The following TPSD1 variants were observed in gnomAD, a reference collection of about 807,000 sequenced individuals.
TPSD1 encodes tryptase delta.
Under a neutral mutation model 25.4 loss-of-function variants are expected in TPSD1, and 30 were observed. The ratio of observed to expected loss-of-function variants is 1.18; its 90% CI spans 0.88 to 1.60. The LOEUF is 1.60. TPSD1 is among the 40% of genes most tolerant of loss of function. The pLI, the probability that TPSD1 is intolerant of heterozygous loss-of-function variation, is 0.00. For synonymous variants in TPSD1, 176 were observed against 149.4 expected, an observed-to-expected ratio of 1.18 and a Z score of -1.30; for missense variants, 420 against 324.2, an observed-to-expected ratio of 1.30 and a Z score of -2.27.
rs61729110 is a variant in TPSD1 at position 1,256,953 on chromosome 16, C to T, written c.411C>T (p.Pro137=). The change falls in exon 3 of 5, where the codon CCC becomes CCT. Residue 137 remains proline, a synonymous_variant. Transcript: ENST00000211076. ...ADIALLELEE[P]VNISSHIHTV... is the part of the protein sequence containing the mutation. ...TCGCCCTGCTGGAGCTGGAGGAGCC[C>T]GTGAACATCTCCAGCCACATCCACA... The T allele has an allele frequency of 6.8e-4, 1,101 of 1,613,702 alleles. No homozygotes were observed. In the African/African-American group the frequency reaches 0.012, roughly 18 times the overall value.
intron 3 of TPSD1, 129 bp from the exon 4 acceptor site, chr16:1,257,930 C>T (rs1415615561): frequency 2.9e-5 from 30 of 1,029,912 alleles, no homozygotes; most frequent in Middle Eastern, 3.2e-4. Context: ...GCCCCTTCCC[C>T]GGGGCTGCAG....
rs770545939 is a variant in TPSD1, at chr16:1,256,986, G to A, written c.444G>A (p.Thr148=). The change falls in exon 3 of 5, where the codon ACG becomes ACA. Residue 148 remains threonine, a synonymous_variant. Transcript: ENST00000211076. The part of the protein sequence containing the change: ...VNISSHIHTV[T]LPPASETFPP... ...TCTCCAGCCACATCCACACGGTCAC[G>A]CTGCCCCCTGCCTCGGAGACCTTCC... 3 of 1,613,582 alleles carry A rather than the reference G, an allele frequency of 1.9e-6. No individual in the cohort carries two copies. Among genetic ancestry groups the A allele is most frequent in the East Asian group, 2.2e-5 (1 of 44,850 alleles).
At chr16:1,258,285 T>C (rs2141449541) in intron 4 of TPSD1, 47 bp from the exon 5 acceptor site, 2 of 1,610,852 alleles carry the variant, frequency 1.2e-6, no homozygotes, top group Middle Eastern at 1.7e-4. Flanking sequence ...TCCCTCATCC[T>C]GACCCCCGAA....
chr16:1,256,512 C>T lies in TPSD1; in HGVS notation c.83-4C>T. 3 of 1,607,860 alleles carry T rather than the reference C, an allele frequency of 1.9e-6. No individual in the cohort carries two copies. The highest frequency in any genetic ancestry group is 2.5e-6 in the Non-Finnish European group (3 of 1,178,062). On this transcript the variant is annotated splice_polypyrimidine_tract_variant and splice_region_variant and intron_variant, in intron 1 of 4. Transcript: ENST00000211076. ...TCTTGGTCCTGACCTGGCACCTGCCCCAGCCCCAGGCCAGGCCCTGCAGCA... is the reference window on the plus strand; with the variant it reads ...TCTTGGTCCTGACCTGGCACCTGCCTCAGCCCCAGGCCAGGCCCTGCAGCA...
At chr16:1,257,128 G>T in intron 3 of TPSD1, 66 bp downstream of exon 3, 1 of 1,514,190 alleles carries the variant, frequency 6.6e-7, no homozygotes, top group Non-Finnish European at 8.9e-7. Flanking sequence ...AGGCCAGTCC[G>T]TGGGGTGACA....
At chr16:1,256,450 C>G in intron 1 of TPSD1, 66 bp from the exon 2 acceptor site, 1 of 1,609,226 alleles carries the variant, frequency 6.2e-7, no homozygotes, top group Non-Finnish European at 8.5e-7. Flanking sequence ...GGCTGGCCCC[C>G]ACACAGGGAA....
chr16:1,258,557 A>T lies in TPSD1; in HGVS notation c.*181A>T. On this transcript the variant is annotated 3_prime_UTR_variant, in exon 5 of 5. Coordinates refer to ENST00000211076, the MANE Select transcript of TPSD1 (RefSeq NM_012217.3). ...GCCAGCCCCTCCTGTCCAAACCACC[A>T]CTGCTTCCTACCCAGGTGGTGACTG... 6.4e-7 allele frequency: 1 copy of T among 1,567,776 alleles called. No homozygotes were observed. Among genetic ancestry groups the T allele is most frequent in the South Asian group, 1.2e-5 (1 of 84,194 alleles).
rs148987137 is a variant in TPSD1, at chr16:1,257,015, C to G, written c.473C>G (p.Pro158Arg). ...CCCCCTGCCTCGGAGACCTTCCCCC[C>G]GGGGATGCCGTGCTGGGTCACTGGC... The part of the protein sequence containing the change: ...TLPPASETFP[P>R]GMPCWVTGWG... The change falls in exon 3 of 5, where the codon CCG becomes CGG. Residue 158 changes from proline to arginine, a missense_variant. By Grantham distance (103) the Pro-to-Arg change is moderately radical. Transcript: ENST00000211076. 1.4e-5 allele frequency: 22 copies of G among 1,613,012 alleles called. No individual in the cohort carries two copies. The highest frequency in any genetic ancestry group is 2.2e-5 in the East Asian group (1 of 44,880).
chr16:1,258,187 CT>C lies in TPSD1; in HGVS notation c.650del (p.Leu217ArgfsTer23). The C allele has an allele frequency of 1.2e-6, 2 of 1,613,094 alleles. No individual in the cohort carries two copies. Among genetic ancestry groups the C allele is most frequent in the Non-Finnish European group, 8.5e-7 (1 of 1,179,882 alleles). The stretch of plus-strand genomic sequence containing the variant: ...CTTTCAAATCGTCCGCGATGACATG[CT>C]GTGTGCGGGGAGCGAAAATCACGAC... ...HSFQIVRDDM[L>X]CAGSENHDSC... On this transcript the variant is annotated frameshift_variant, in exon 4 of 5. Transcript: ENST00000211076. LOFTEE classifies it low-confidence loss of function (END_TRUNC).
rs1265769790 is a variant in TPSD1 at position 1,257,065 on chromosome 16, G to A, written c.520+3G>A. Reference sequence around the variant, plus strand: ...CTGGGGCGACGTGGACAATAATGGTGGGTGTTGGGGACAGCGGGAGGCCGG... The same window carrying A: ...CTGGGGCGACGTGGACAATAATGGTAGGTGTTGGGGACAGCGGGAGGCCGG... On this transcript the variant is annotated splice_donor_region_variant and intron_variant, in intron 3 of 4. Transcript: ENST00000211076. 1 of 1,602,362 alleles carries A rather than the reference G, an allele frequency of 6.2e-7. No homozygotes were observed. The highest frequency in any genetic ancestry group is 8.5e-7 in the Non-Finnish European group (1 of 1,174,200).
Position 1,258,531 on chromosome 16 carries a change from G to T in TPSD1, c.*155G>T. ...GGGGTGTCCACCCGGGTCACTGGAG[G>T]GCCAGCCCCTCCTGTCCAAACCACC... On this transcript the variant is annotated 3_prime_UTR_variant, in exon 5 of 5. Coordinates refer to ENST00000211076, the MANE Select transcript of TPSD1 (RefSeq NM_012217.3). 1 of 1,600,154 alleles carries T rather than the reference G, an allele frequency of 6.2e-7. No individual in the cohort carries two copies. Among genetic ancestry groups the T allele is most frequent in the Non-Finnish European group, 8.5e-7 (1 of 1,172,340 alleles).
At chr16:1,258,309 G>T (rs1367280142) in intron 4 of TPSD1, 23 bp from the exon 5 acceptor site, 3 of 1,612,698 alleles carry the variant, frequency 1.9e-6, no homozygotes, top group Admixed American at 3.3e-5. Context: ...TGGCCAGCGA[G>T]CACTGACCTC....
At chr16:1,257,137 C>T in intron 3 of TPSD1, 75 bp downstream of exon 3, 1 of 1,495,332 alleles carries the variant, frequency 6.7e-7, no homozygotes, top group South Asian at 1.3e-5. Flanking sequence ...CGTGGGGTGA[C>T]AGGGTCCCTC....
intron 1 of TPSD1, 53 bp from the exon 2 acceptor site, chr16:1,256,463 G>A (rs569221848): frequency 3.0e-5 from 49 of 1,608,394 alleles, no homozygotes; most frequent in Non-Finnish European, 3.7e-5. Context: ...ACAGGGAAGG[G>A]CTGGTCCCAG....
chr16:1,258,522 T>A lies in TPSD1; in HGVS notation c.*146T>A. On this transcript the variant is annotated 3_prime_UTR_variant, in exon 5 of 5. Coordinates refer to ENST00000211076, the MANE Select transcript of TPSD1 (RefSeq NM_012217.3). ...GCCAGGCCTGGGGTGTCCACCCGGG[T>A]CACTGGAGGGCCAGCCCCTCCTGTC... 4 of 1,604,836 alleles carry A rather than the reference T, an allele frequency of 2.5e-6. No homozygotes were observed. The highest frequency in any genetic ancestry group is 3.4e-6 in the Non-Finnish European group (4 of 1,174,926).
rs79208293 is a variant in TPSD1 at position 1,258,478 on chromosome 16, T to C, written c.*102T>C. ...ACTACTTGGACTGGATCCACCACTA[T>C]GTCCCCAAGAAGCCCTGAGCCAGGC... is the stretch of plus-strand genomic sequence containing the variant. On this transcript the variant is annotated 3_prime_UTR_variant, in exon 5 of 5. Transcript: ENST00000211076. 6,553 of 1,613,358 alleles carry C rather than the reference T, an allele frequency of 4.1e-3. 209 individuals are homozygous for C. The African/African-American group carries it at 0.077, about 19-fold the overall frequency.
chr16:1,257,221 C>G, intron 3 of TPSD1, 159 bp downstream of exon 3: 2 of 1,066,822 alleles, frequency 1.9e-6, no homozygotes, highest in Non-Finnish European at 2.6e-6. Flanking sequence ...AGCAGGTGCC[C>G]TGAGCAGAGA....
chr16:1,257,904 C>G (rs1338127276), intron 3 of TPSD1, 155 bp from the exon 4 acceptor site: 3 of 797,560 alleles, frequency 3.8e-6, no homozygotes, highest in East Asian at 2.7e-5. Flanking sequence ...GCGGAGGGGC[C>G]TGGACTGCAT....
chr16:1,258,001 C>A, intron 3 of TPSD1, 58 bp from the exon 4 acceptor site: 5 of 1,526,094 alleles, frequency 3.3e-6, no homozygotes, highest in Non-Finnish European at 4.4e-6. Flanking sequence ...GCCACCAAGT[C>A]CACGAAGCAG....
Sources: allele counts gnomAD v4.1 joint callset, GRCh38; gene constraint gnomAD v4.1.1; transcripts MANE v1.5; gene names NCBI Gene and HGNC (gene_info 2026-07-23, HGNC 2026-07-21).